UNC13C: variants seen among roughly 807,000 people sequenced by gnomAD.
UNC13C encodes unc-13 homolog C.
A neutral mutation model predicts 245.4 loss-of-function variants in UNC13C; 174 were observed. The ratio of observed to expected loss-of-function variants is 0.71; its 90% CI spans 0.63 to 0.80. The LOEUF is 0.80. Ranked by LOEUF, UNC13C falls within the 30% of genes least tolerant of loss-of-function variation. The pLI is 0.00. For missense variants in UNC13C, 2,829 were observed against 2,602.9 expected, an observed-to-expected ratio of 1.09 and a Z score of -1.89; for synonymous variants, 992 against 895.1, an observed-to-expected ratio of 1.11 and a Z score of -1.93.
chr15:54,002,253 T>C (rs987394452), intron 1 of UNC13C, among the ~76,000 whole-genome samples: 16 of 151,972 alleles, frequency 1.1e-4, no homozygotes, highest in African/African-American at 3.9e-4. Flanking sequence ...ACCACTGCAC[T>C]CCAGGCTGGG....
intron 1 of UNC13C, among the ~76,000 whole-genome samples, chr15:54,004,082 G>A (rs528470437): frequency 2.0e-5 from 3 of 152,236 alleles, no homozygotes; most frequent in Non-Finnish European, 4.4e-5. Context: ...TCGCCGTAGT[G>A]TGCTATCAAA....
chr15:54,054,413 G>T (rs1433050275), intron 2 of UNC13C, among the ~76,000 whole-genome samples: 2 of 152,102 alleles, frequency 1.3e-5, no homozygotes, highest in African/African-American at 2.4e-5. Context: ...CTATCTTAAG[G>T]CTGCCCTCGT....
At chr15:54,425,485 G>A (rs1236870737) in intron 19 of UNC13C, among the ~76,000 whole-genome samples, 1 of 151,800 alleles carries the variant, frequency 6.6e-6, no homozygotes, top group African/African-American at 2.4e-5. Flanking sequence ...GGACAACCAG[G>A]CATGAGAGAT....
At chr15:54,085,793 A>G (rs1899205581) in intron 2 of UNC13C, among the ~76,000 whole-genome samples, 3 of 151,994 alleles carry the variant, frequency 2.0e-5, no homozygotes, top group African/African-American at 7.3e-5. Flanking sequence ...GCTTCATGAC[A>G]TTTGTGGGGG....
chr15:54,589,861 T>C (rs1898692142), intron 30 of UNC13C, among the ~76,000 whole-genome samples: 1 of 152,158 alleles, frequency 6.6e-6, no homozygotes, highest in Admixed American at 6.5e-5. Flanking sequence ...TTTTTAGTCA[T>C]GAAATCCTAT....
intron 28 of UNC13C, among the ~76,000 whole-genome samples, chr15:54,552,895 A>ATAT (rs370557119): frequency 0.23 from 6,824 of 29,500 alleles, 2,059 homozygotes; most frequent in African/African-American, 0.67. Context: ...ATATTACTAT[A>ATAT]TATATATTAA....
intron 1 of UNC13C, among the ~76,000 whole-genome samples, chr15:54,000,219 G>A (rs966238899): frequency 2.0e-5 from 3 of 152,034 alleles, no homozygotes; most frequent in Non-Finnish European, 4.4e-5. Flanking sequence ...TCAGAGTCAA[G>A]AACAGCATCG....
chr15:53,860,137 G>A, the UNC13C span, among the ~76,000 whole-genome samples: 169 of 152,222 alleles, frequency 1.1e-3, 1 homozygote, highest in African/African-American at 3.9e-3. Context: ...AAGAATGCAC[G>A]TTGTTCAATT....
chr15:54,568,477 C>T (rs1227659155), intron 30 of UNC13C, among the ~76,000 whole-genome samples: 2 of 152,086 alleles, frequency 1.3e-5, no homozygotes, highest in African/African-American at 4.8e-5. Context: ...TGTTTCATAT[C>T]TTTGAAACTC....
intron 8 of UNC13C, among the ~76,000 whole-genome samples, chr15:54,254,869 G>A (rs1350782093): frequency 1.3e-5 from 2 of 152,128 alleles, no homozygotes; most frequent in Non-Finnish European, 2.9e-5. Flanking sequence ...CTGAATTTGA[G>A]ACATTCTATG....
intron 2 of UNC13C, among the ~76,000 whole-genome samples, chr15:54,038,118 A>AGTTTTTT (rs1896654085): frequency 3.5e-5 from 1 of 28,800 alleles, no homozygotes; most frequent in Non-Finnish European, 6.3e-5. Flanking sequence ...ATATATATAT[A>AGTTTTTT]TATATATTTT....
chr15:54,014,571 G>C lies in UNC13C; in HGVS notation c.1668G>C (p.Leu556Phe), dbSNP rs1239347928. 2 of 1,613,758 alleles carry C rather than the reference G, an allele frequency of 1.2e-6. No individual in the cohort carries two copies. Among genetic ancestry groups the C allele is most frequent in the Non-Finnish European group, 1.7e-6 (2 of 1,179,798 alleles). Residue 556 changes from leucine to phenylalanine, a missense_variant, in exon 2 of 33, where the codon TTG becomes TTC. Physicochemically the swap from Leu to Phe is conservative, Grantham distance 22. Transcript: ENST00000260323. ...GTTCTGAATCAGATTTTTCCAAATT[G>C]TGTCAGTCTTACTCAGAAGATTTTT... ...LSRSESDFSK[L>F]CQSYSEDFSE...
chr15:54,192,363 G>A (rs938135333), intron 4 of UNC13C, among the ~76,000 whole-genome samples: 1 of 151,756 alleles, frequency 6.6e-6, no homozygotes, highest in African/African-American at 2.4e-5. Context: ...GGTTTTTCTT[G>A]TGTCATCTAA....
In UNC13C at chr15:54,470,422, C is replaced by G. The variant is rs183669622; in HGVS notation, c.4934-24186C>G. On this transcript the variant is annotated intron_variant, in intron 19 of 32. Coordinates refer to ENST00000260323, the MANE Select transcript of UNC13C (RefSeq NM_001080534.3). ...TTTAATTACTGATTCAGTCTCCTCACTCTTTATTGGCCTACTCAGATTTGC... is the reference window on the plus strand; with the variant it reads ...TTTAATTACTGATTCAGTCTCCTCAGTCTTTATTGGCCTACTCAGATTTGC... 2.8e-4 allele frequency among the ~76,000 whole-genome samples: 43 copies of G among 151,622 alleles called. No homozygotes were observed. The East Asian group carries it at 7.5e-3, about 27-fold the overall frequency.
intron 10 of UNC13C, among the ~76,000 whole-genome samples, chr15:54,272,315 G>T (rs1407687946): frequency 6.6e-6 from 1 of 152,152 alleles, no homozygotes; most frequent in Non-Finnish European, 1.5e-5. Flanking sequence ...CTGAGTATCA[G>T]TTAAGCATAA....
intron 2 of UNC13C, among the ~76,000 whole-genome samples, chr15:54,048,064 G>A (rs892520743): frequency 6.6e-6 from 1 of 152,084 alleles, no homozygotes; most frequent in African/African-American, 2.4e-5. Context: ...TACACAGCAA[G>A]TGCTTATACT....
intron 4 of UNC13C, among the ~76,000 whole-genome samples, chr15:54,178,160 C>T (rs2033678207): frequency 6.6e-6 from 1 of 152,118 alleles, no homozygotes; most frequent in East Asian, 1.9e-4. Context: ...GGTTTTCAAT[C>T]TATACAATCC....
At chr15:53,897,197 C>T in the UNC13C span, among the ~76,000 whole-genome samples, 2 of 152,164 alleles carry the variant, frequency 1.3e-5, no homozygotes, top group African/African-American at 4.8e-5. Flanking sequence ...TTATCTATTG[C>T]TATATCCCTA....
chr15:53,838,811 A>G, the UNC13C span, among the ~76,000 whole-genome samples: 1 of 152,038 alleles, frequency 6.6e-6, no homozygotes, highest in Admixed American at 6.6e-5. Flanking sequence ...AACGTTTAGC[A>G]TAAATTACCA....
Sources: gnomAD v4.1 joint callset for allele counts (sites outside exome capture counted in the v4.1 genomes callset) on GRCh38, gnomAD v4.1.1 for gene constraint, MANE v1.5 for transcripts, NCBI Gene and HGNC (gene_info 2026-07-23, HGNC 2026-07-21) for gene names.